The following GPT variants were observed in gnomAD, a reference collection of about 807,000 sequenced individuals.
GPT encodes alanine aminotransferase 1.
GPT carries 60 observed loss-of-function variants against 51.4 expected under a neutral mutation model. The ratio of observed to expected loss-of-function variants is 1.17; its 90% CI spans 0.95 to 1.45. GPT has a LOEUF of 1.45. Ranked by LOEUF, GPT falls within the 40% of genes most tolerant of loss-of-function variation. GPT has a pLI of 0.00. For missense variants in GPT, 853 were observed against 704.0 expected (o/e 1.21, Z -2.40); for synonymous variants, 397 against 303.1 (o/e 1.31, Z -3.22).
chr8:144,505,908 T>A lies in GPT; in HGVS notation c.800T>A (p.Leu267His). 2 of 1,604,414 alleles carry A rather than the reference T, an allele frequency of 1.2e-6. No homozygotes were observed. Among genetic ancestry groups the A allele is most frequent in the Non-Finnish European group, 1.7e-6 (2 of 1,176,270 alleles). ...AVIRFAFEER[L>H]FLLADEVYQD... ...ATCCGCTTCGCCTTCGAAGAGCGGC[T>A]CTTTCTGCTGGCGGACGAGGTGCGC... The change falls in exon 6 of 11, where the codon CTC (leucine) becomes CAC (histidine). Residue 267 changes from leucine (L) to histidine (H), a missense_variant. Coordinates refer to ENST00000394955, the MANE Select transcript of GPT (RefSeq NM_005309.3).
In GPT at chr8:144,504,873, A is replaced by T; in HGVS notation, c.355A>T (p.Ser119Cys). Reference sequence around the variant, plus strand: ...CATCTTGCAGGCGTGTGGGGGCCACAGTCTGGGTGAGAGCCAGGGCCAGGA... The same window carrying T: ...CATCTTGCAGGCGTGTGGGGGCCACTGTCTGGGTGAGAGCCAGGGCCAGGA... ...ERILQACGGHSLGAYSVSSGI... is the reference protein window; with the variant it reads ...ERILQACGGHCLGAYSVSSGI... The change falls in exon 3 of 11, where the codon AGT (serine) becomes TGT (cysteine). Residue 119 changes from serine (S) to cysteine (C), a missense_variant. Ser to Cys is a moderately radical substitution (Grantham distance 112). Coordinates refer to ENST00000394955, the MANE Select transcript of GPT (RefSeq NM_005309.3). 1 of 1,613,204 alleles carries T rather than the reference A, an allele frequency of 6.2e-7. No individual in the cohort carries two copies. Among genetic ancestry groups the T allele is most frequent in the Non-Finnish European group, 8.5e-7 (1 of 1,179,986 alleles).
rs763689807 is a variant in GPT at position 144,506,580 on chromosome 8, G to A, written c.1211G>A (p.Ser404Asn). The change falls in exon 9 of 11, where the codon AGC (serine) becomes AAC (asparagine). Residue 404 changes from serine (S) to asparagine (N), a missense_variant. Coordinates refer to ENST00000394955, the MANE Select transcript of GPT (RefSeq NM_005309.3). This position sits in a 1 kb window ranked among gnomAD's most constrained non-coding sequence, Gnocchi z 7.0. The part of the protein sequence containing the change: ...EQVFNEAPGI[S>N]CNPVQGAMYS... The stretch of plus-strand genomic sequence containing the variant: ...GTCTTCAATGAGGCTCCTGGCATCA[G>A]CTGCAACCCAGTGCAGGGCGCCATG... The A allele has an allele frequency of 7.0e-5, 111 of 1,577,294 alleles. No homozygotes were observed. The highest frequency in any genetic ancestry group is 1.2e-4 in the South Asian group (10 of 86,360).
Position 144,506,049 on chromosome 8 carries a change from G to A in GPT, c.874G>A (p.Val292Met), listed in dbSNP as rs754197478. Residue 292 changes from valine (V) to methionine (M), a missense_variant, in exon 7 of 11, where the codon GTG becomes ATG. Transcript: ENST00000394955. The surrounding 1 kb of genome is among the most constrained non-coding windows in gnomAD (Gnocchi z 7.0). ...TTCGCAGTTCCACTCATTCAAGAAG[G>A]TGCTCATGGAGATGGGGCCGCCCTA... ...AGSQFHSFKK[V>M]LMEMGPPYAG... The A allele has an allele frequency of 8.7e-6, 14 of 1,612,440 alleles. No homozygotes were observed. In the South Asian group the frequency reaches 1.5e-4, roughly 18 times the overall value.
rs778325246 is a variant in GPT, at chr8:144,504,502, C to T, written c.162+36C>T. 4.4e-6 allele frequency: 7 copies of T among 1,608,310 alleles called. No homozygotes were observed. The South Asian group carries it at 7.7e-5, about 18-fold the overall frequency. On this transcript the variant is annotated intron_variant, in intron 1 of 10. Coordinates refer to ENST00000394955, the MANE Select transcript of GPT (RefSeq NM_005309.3). Reference sequence around the variant, plus strand: ...GGGCCCCTCGCTGCCCTCCAGGTCACAATGGGGTGGCCGAGTTGGCCCCAG... The same window carrying T: ...GGGCCCCTCGCTGCCCTCCAGGTCATAATGGGGTGGCCGAGTTGGCCCCAG...
Position 144,504,380 on chromosome 8 carries a change from A to C in GPT, c.76A>C (p.Met26Leu). 1 of 1,611,816 alleles carries C rather than the reference A, an allele frequency of 6.2e-7. No individual in the cohort carries two copies. Among genetic ancestry groups the C allele is most frequent in the Non-Finnish European group, 8.5e-7 (1 of 1,179,942 alleles). The change falls in exon 1 of 11, where the codon ATG (methionine) becomes CTG (leucine). Residue 26 changes from methionine to leucine, a missense_variant. Met to Leu is a conservative substitution (Grantham distance 15). Coordinates refer to ENST00000394955, the MANE Select transcript of GPT (RefSeq NM_005309.3). The stretch of plus-strand genomic sequence containing the variant: ...GGCGAAGGTGCTGACGCTGGACGGC[A>C]TGAACCCGCGTGTGCGGAGAGTGGA... ...LRAKVLTLDG[M>L]NPRVRRVEYA...
Position 144,506,079 on chromosome 8 carries a change from G to A in GPT, c.904G>A (p.Gly302Arg), listed in dbSNP as rs145365806. Residue 302 changes from glycine (G) to arginine (R), a missense_variant, in exon 7 of 11, where the codon GGG becomes AGG. By Grantham distance (125) the Gly-to-Arg change is moderately radical. Transcript: ENST00000394955. This position sits in a 1 kb window ranked among gnomAD's most constrained non-coding sequence, Gnocchi z 7.0. ...VLMEMGPPYA[G>R]QQELASFHST... ...CATGGAGATGGGGCCGCCCTACGCCGGGCAGCAGGAGCTTGCCTCCTTCCA... is the reference window on the plus strand; with the variant it reads ...CATGGAGATGGGGCCGCCCTACGCCAGGCAGCAGGAGCTTGCCTCCTTCCA... 4.3e-6 allele frequency: 7 copies of A among 1,612,364 alleles called. No individual in the cohort carries two copies. Among genetic ancestry groups the A allele is most frequent in the African/African-American group, 1.3e-5 (1 of 75,022 alleles).
Position 144,505,048 on chromosome 8 carries a change from C to G in GPT, c.412C>G (p.Arg138Gly), listed in dbSNP as rs756151404. 6.2e-7 allele frequency: 1 copy of G among 1,613,156 alleles called. No individual in the cohort carries two copies. The highest frequency in any genetic ancestry group is 1.1e-5 in the South Asian group (1 of 91,084). Residue 138 changes from arginine (R) to glycine (G), a missense_variant, in exon 4 of 11, where the codon CGG becomes GGG. Physicochemically the swap from Arg to Gly is moderately radical, Grantham distance 125. Coordinates refer to ENST00000394955, the MANE Select transcript of GPT (RefSeq NM_005309.3). ...CCAGCTGATCCGGGAGGACGTGGCG[C>G]GGTACATTGAGAGGCGTGACGGAGG... ...GIQLIREDVA[R>G]YIERRDGGIP...
At chr8:144,503,835 CA>C (rs887548253), upstream of GPT, 1 of 201,162 alleles carries the variant, frequency 5.0e-6, no homozygotes, top group African/African-American at 2.3e-5. Context: ...CCCTCCTTGC[CA>C]GCTCTGCCAG....
rs1353808798 is a variant in GPT, at chr8:144,506,316, G to A, written c.1041G>A (p.Arg347=). 1 of 1,564,208 alleles carries A rather than the reference G, an allele frequency of 6.4e-7. No homozygotes were observed. Among genetic ancestry groups the A allele is most frequent in the Non-Finnish European group, 8.6e-7 (1 of 1,157,706 alleles). The part of the protein sequence containing the change: ...QQQMLKLMSV[R]LCPPVPGQAL... ...AGATGCTGAAGCTGATGAGTGTGCG[G>A]CTGTGCCCGCCGGTGCCAGGACAGG... is the stretch of plus-strand genomic sequence containing the variant. The change falls in exon 8 of 11, where the codon CGG becomes CGA. Residue 347 remains arginine, a synonymous_variant. Transcript: ENST00000394955. The surrounding 1 kb of genome is among the most constrained non-coding windows in gnomAD (Gnocchi z 7.0).
Position 144,506,754 on chromosome 8 carries a change from G to A in GPT, c.1311G>A (p.Met437Ile), listed in dbSNP as rs761970551. 10 of 1,612,022 alleles carry A rather than the reference G, an allele frequency of 6.2e-6. No homozygotes were observed. In the African/African-American group the frequency reaches 1.2e-4, roughly 19 times the overall value. The change falls in exon 10 of 11, where the codon ATG becomes ATA. Residue 437 changes from methionine (M) to isoleucine (I), a missense_variant. Met to Ile is a conservative substitution (Grantham distance 10, BLOSUM62 1). Transcript: ENST00000394955. This position sits in a 1 kb window ranked among gnomAD's most constrained non-coding sequence, Gnocchi z 7.0. ...RAQELGLAPD[M>I]FFCLRLLEET... ...AGGAGCTGGGCCTGGCCCCCGATAT[G>A]TTCTTCTGCCTGCGCCTCCTGGAGG...
In GPT at chr8:144,506,042, C is replaced by G. The variant is rs750638175; in HGVS notation, c.867C>G (p.Phe289Leu). ...CCGCGGGTTCGCAGTTCCACTCATT[C>G]AAGAAGGTGCTCATGGAGATGGGGC... is the stretch of plus-strand genomic sequence containing the variant. ...VYAAGSQFHS[F>L]KKVLMEMGPP... The change falls in exon 7 of 11, where the codon TTC becomes TTG. Residue 289 changes from phenylalanine (F) to leucine (L), a missense_variant. Physicochemically the swap from Phe to Leu is conservative, Grantham distance 22. Coordinates refer to ENST00000394955, the MANE Select transcript of GPT (RefSeq NM_005309.3). The surrounding 1 kb of genome is among the most constrained non-coding windows in gnomAD (Gnocchi z 7.0). The G allele has an allele frequency of 6.2e-7, 1 of 1,612,322 alleles. No individual in the cohort carries two copies. Among genetic ancestry groups the G allele is most frequent in the South Asian group, 1.1e-5 (1 of 91,086 alleles).
At chr8:144,504,908 G>A in intron 3 of GPT, 29 bp downstream of exon 3, 3 of 1,612,810 alleles carry the variant, frequency 1.9e-6, no homozygotes, top group Non-Finnish European at 2.5e-6. Context: ...AGGAAGCAGA[G>A]GGCCGCCCTG....
rs1237374603 is a variant in GPT, at chr8:144,505,387, G to A, written c.637G>A (p.Ala213Thr). The A allele has an allele frequency of 1.3e-6, 2 of 1,594,016 alleles. No individual in the cohort carries two copies. The highest frequency in any genetic ancestry group is 1.7e-5 in the Admixed American group (1 of 57,284). ...QVDYYLDEERAWALDVAELHR... is the reference protein window; with the variant it reads ...QVDYYLDEERTWALDVAELHR... ...GGATTACTACCTGGACGAGGAGCGT[G>A]CCTGGGCGCTGGACGTGGCCGAGCT... The change falls in exon 5 of 11, where the codon GCC (alanine) becomes ACC (threonine). Residue 213 changes from alanine (A) to threonine (T), a missense_variant. Physicochemically the swap from Ala to Thr is moderately conservative, Grantham distance 58. Coordinates refer to ENST00000394955, the MANE Select transcript of GPT (RefSeq NM_005309.3).
At position 144,506,385 on chromosome 8, in the gene GPT, C is replaced by G; in HGVS notation, c.1110C>G (p.Pro370=). 1 of 1,559,576 alleles carries G rather than the reference C, an allele frequency of 6.4e-7. No homozygotes were observed. The highest frequency in any genetic ancestry group is 8.7e-7 in the Non-Finnish European group (1 of 1,155,308). ...LVVSPPAPTD[P]SFAQFQAEKQ... ...TCAGCCCGCCCGCGCCCACCGACCCCTCCTTTGCGCAGTTCCAGGCTGTGA... is the reference window on the plus strand; with the variant it reads ...TCAGCCCGCCCGCGCCCACCGACCCGTCCTTTGCGCAGTTCCAGGCTGTGA... The change falls in exon 8 of 11, where the codon CCC becomes CCG. Residue 370 remains proline (P), a synonymous_variant. Transcript: ENST00000394955. This position sits in a 1 kb window ranked among gnomAD's most constrained non-coding sequence, Gnocchi z 7.0.
In GPT at chr8:144,506,471, C is replaced by T; in HGVS notation, c.1132-30C>T. 6.3e-7 allele frequency: 1 copy of T among 1,584,064 alleles called. No homozygotes were observed. The highest frequency in any genetic ancestry group is 8.6e-7 in the Non-Finnish European group (1 of 1,166,430). ...GGGGTGGGGGATGCCGAGTGCCGTG[C>T]CCTGATGGGCCCTCCCTCCGCGGCC... On this transcript the variant is annotated intron_variant, in intron 8 of 10. Coordinates refer to ENST00000394955, the MANE Select transcript of GPT (RefSeq NM_005309.3). The surrounding 1 kb of genome is among the most constrained non-coding windows in gnomAD (Gnocchi z 7.0).
chr8:144,504,423 C>T lies in GPT; in HGVS notation c.119C>T (p.Pro40Leu). 6.2e-7 allele frequency: 1 copy of T among 1,611,284 alleles called. No individual in the cohort carries two copies. Among genetic ancestry groups the T allele is most frequent in the South Asian group, 1.1e-5 (1 of 91,072 alleles). Residue 40 changes from proline to leucine, a missense_variant, in exon 1 of 11, where the codon CCC becomes CTC. Physicochemically the swap from Pro to Leu is moderately conservative, Grantham distance 98. Transcript: ENST00000394955. ...AGAGTGGAGTACGCAGTGCGTGGCC[C>T]CATAGTGCAGCGAGCCTTGGAGCTG... is the stretch of plus-strand genomic sequence containing the variant. The part of the protein sequence containing the change: ...VRRVEYAVRG[P>L]IVQRALELEQ...
chr8:144,507,093 T>TGGGGG lies in GPT; in HGVS notation c.*95_*96insGGGGG. On this transcript the variant is annotated 3_prime_UTR_variant, in exon 11 of 11. Transcript: ENST00000394955. The stretch of plus-strand genomic sequence containing the variant: ...GCCCACTGTACTTGCTCTTGATGCC[T>TGGGGG]GGCGGGGTGGGGTGGGGGGGGTGCT... 1 of 149,032 alleles carries TGGGGG rather than the reference T, an allele frequency of 6.7e-6. No individual in the cohort carries two copies. Among genetic ancestry groups the TGGGGG allele is most frequent in the Non-Finnish European group, 1.3e-5 (1 of 76,910 alleles). The allele number at this position is 149,032 out of a possible 1,614,324, so 9.2% of individuals were successfully genotyped here.
At position 144,504,618 on chromosome 8, in the gene GPT, T is replaced by C. The variant is rs746419405; in HGVS notation, c.177T>C (p.Pro59=). The part of the protein sequence containing the change: ...EQELRQGVKK[P]FTEVIRANIG... Reference sequence around the variant, plus strand: ...TCCCCTCCCAGGGTGTGAAGAAGCCTTTCACCGAGGTCATCCGTGCCAACA... The same window carrying C: ...TCCCCTCCCAGGGTGTGAAGAAGCCCTTCACCGAGGTCATCCGTGCCAACA... Residue 59 remains proline, a synonymous_variant, in exon 2 of 11, where the codon CCT becomes CCC. Coordinates refer to ENST00000394955, the MANE Select transcript of GPT (RefSeq NM_005309.3). 1 of 1,613,054 alleles carries C rather than the reference T, an allele frequency of 6.2e-7. No homozygotes were observed. The highest frequency in any genetic ancestry group is 8.5e-7 in the Non-Finnish European group (1 of 1,179,956).
chr8:144,504,584 C>T lies in GPT; in HGVS notation c.163-20C>T. ...GTTAGGTAGGGCACAGTCTCCCTGC[C>T]TGCTCCCCTCCCCTCCCAGGGTGTG... On this transcript the variant is annotated intron_variant, in intron 1 of 10. Coordinates refer to ENST00000394955, the MANE Select transcript of GPT (RefSeq NM_005309.3). 6.2e-7 allele frequency: 1 copy of T among 1,612,050 alleles called. No homozygotes were observed. Among genetic ancestry groups the T allele is most frequent in the Non-Finnish European group, 8.5e-7 (1 of 1,179,170 alleles).
Sources: allele counts gnomAD v4.1 joint callset, GRCh38; gene constraint gnomAD v4.1.1; non-coding constraint Gnocchi (gnomAD v3.1); transcripts MANE v1.5; gene names NCBI Gene and HGNC (gene_info 2026-07-23, HGNC 2026-07-21).